The following WWOX variants were observed in gnomAD, a reference collection of about 807,000 sequenced individuals.
WWOX encodes WW domain containing oxidoreductase, also known as WW domain-containing oxidoreductase.
WWOX carries 69 observed loss-of-function variants against 46.2 expected under a neutral mutation model. That is an observed-to-expected ratio of 1.49 (90% CI 1.23 to 1.82). The LOEUF (loss-of-function observed/expected upper bound fraction) is 1.82, where lower values mean the gene tolerates loss of function less well. WWOX is among the 40% of genes most tolerant of loss of function. WWOX has a pLI of 0.00. For synonymous variants in WWOX, 359 were observed against 202.6 expected, an observed-to-expected ratio of 1.77 and a Z score of -6.56; for missense variants, 919 against 542.6, an observed-to-expected ratio of 1.69 and a Z score of -6.89.
intron 8 of WWOX, among the ~76,000 whole-genome samples, chr16:78,711,393 G>A (rs9927393): frequency 0.016 from 2,498 of 152,286 alleles, 67 homozygotes; most frequent in African/African-American, 0.056. Context: ...CACTGTATAT[G>A]CTTTGGAGGG....
chr16:78,684,620 C>T (rs2047812939), intron 8 of WWOX, among the ~76,000 whole-genome samples: 1 of 152,192 alleles, frequency 6.6e-6, no homozygotes. Context: ...CAGAACACTC[C>T]ACCGTCCCTG....
chr16:78,743,409 T>A (rs2049277025), intron 8 of WWOX, among the ~76,000 whole-genome samples: 1 of 152,168 alleles, frequency 6.6e-6, no homozygotes, highest in Non-Finnish European at 1.5e-5. Flanking sequence ...TTTTGTACTG[T>A]GTCCTGAGAT....
At chr16:78,763,754 C>T (rs545351745) in intron 8 of WWOX, among the ~76,000 whole-genome samples, 1 of 152,304 alleles carries the variant, frequency 6.6e-6, no homozygotes, top group East Asian at 1.9e-4. Flanking sequence ...TTCTTCTTTT[C>T]ACCCATCTCA....
intron 5 of WWOX, among the ~76,000 whole-genome samples, chr16:78,367,118 T>C (rs1344121518): frequency 6.6e-6 from 1 of 151,942 alleles, no homozygotes; most frequent in African/African-American, 2.4e-5. Flanking sequence ...TAGCTGGTAC[T>C]ACAGGTGCCT....
rs180875852 is a variant in WWOX, at chr16:79,049,063, C to G, written c.1057-162545C>G. ...ATACAAAAGCGACAAGGTTTCTATC[C>G]TCTGACAGTTTATACTTTAGTGCAG... On this transcript the variant is annotated intron_variant, in intron 8 of 8. Coordinates refer to ENST00000566780, the MANE Select transcript of WWOX (RefSeq NM_016373.4). Among the ~76,000 whole-genome samples, 63 of 152,296 alleles carry G rather than the reference C, an allele frequency of 4.1e-4. No homozygotes were observed. The East Asian group carries it at 5.4e-3, about 13-fold the overall frequency.
intron 8 of WWOX, among the ~76,000 whole-genome samples, chr16:78,989,161 G>A (rs1457692364): frequency 6.6e-6 from 1 of 151,960 alleles, no homozygotes; most frequent in Non-Finnish European, 1.5e-5. Flanking sequence ...AACCCTTATT[G>A]TATCTCCCCA....
chr16:78,135,514 G>C (rs963670961), intron 4 of WWOX, among the ~76,000 whole-genome samples: 11 of 152,050 alleles, frequency 7.2e-5, no homozygotes, highest in African/African-American at 2.7e-4. Flanking sequence ...TATTATAGAA[G>C]CCAGCTTTAC....
At chr16:79,047,388 A>C (rs896043546) in intron 8 of WWOX, among the ~76,000 whole-genome samples, 6 of 152,246 alleles carry the variant, frequency 3.9e-5, no homozygotes. Flanking sequence ...GAAATAGACC[A>C]GATGAAGATT....
chr16:78,675,101 A>G (rs1190891007), intron 8 of WWOX, among the ~76,000 whole-genome samples: 5 of 152,206 alleles, frequency 3.3e-5, no homozygotes, highest in East Asian at 3.9e-4. Context: ...GCTGTGCTGA[A>G]TGTTTACATA....
intron 8 of WWOX, among the ~76,000 whole-genome samples, chr16:79,200,376 G>T (rs1004269682): frequency 1.3e-5 from 2 of 152,116 alleles, no homozygotes; most frequent in African/African-American, 4.8e-5. Context: ...TGCTACAAAG[G>T]GTATAGAGTA....
intron 8 of WWOX, among the ~76,000 whole-genome samples, chr16:79,183,303 C>G (rs886966623): frequency 6.6e-6 from 1 of 152,196 alleles, no homozygotes; most frequent in Non-Finnish European, 1.5e-5. Context: ...CACCTTCAAC[C>G]TTCTAGTCTT....
intron 5 of WWOX, among the ~76,000 whole-genome samples, chr16:78,295,739 A>T (rs1017162678): frequency 6.6e-6 from 1 of 150,458 alleles, no homozygotes; most frequent in Non-Finnish European, 1.5e-5. Flanking sequence ...CAAACAAACA[A>T]ACAAACAAAA....
intron 8 of WWOX, among the ~76,000 whole-genome samples, chr16:79,055,816 A>G (rs1430675579): frequency 6.6e-6 from 1 of 152,166 alleles, no homozygotes; most frequent in African/African-American, 2.4e-5. Context: ...CTAAAACTCA[A>G]AGTGAGTCAG....
In WWOX at chr16:78,500,582, A is replaced by G. The variant is rs9926116; in HGVS notation, c.1056+67830A>G. On this transcript the variant is annotated intron_variant, in intron 8 of 8. Coordinates refer to ENST00000566780, the MANE Select transcript of WWOX (RefSeq NM_016373.4). ...AACACCTGGCTGAGGCTCCAACAGCATTTTCCTATGACTGAGGGTAGGGTA... is the reference window on the plus strand; with the variant it reads ...AACACCTGGCTGAGGCTCCAACAGCGTTTTCCTATGACTGAGGGTAGGGTA... 3.2e-3 allele frequency among the ~76,000 whole-genome samples: 483 copies of G among 152,116 alleles called. 3 individuals are homozygous for G. The highest frequency in any genetic ancestry group is 0.01 in the Middle Eastern group (3 of 294).
intron 8 of WWOX, among the ~76,000 whole-genome samples, chr16:78,844,214 T>C (rs866088060): frequency 6.6e-6 from 1 of 152,026 alleles, no homozygotes; most frequent in African/African-American, 2.4e-5. Context: ...GAAACCAGAG[T>C]TTAGTTGTGC....
chr16:78,904,106 C>G (rs1167168721), intron 8 of WWOX, among the ~76,000 whole-genome samples: 1 of 152,138 alleles, frequency 6.6e-6, no homozygotes, highest in African/African-American at 2.4e-5. Flanking sequence ...CTGAAGAAAA[C>G]TGCAGAGCTT....
Position 78,237,152 on chromosome 16 carries a change from A to C in WWOX, c.516+72863A>C, listed in dbSNP as rs371288140. On this transcript the variant is annotated intron_variant, in intron 5 of 8. Coordinates refer to ENST00000566780, the MANE Select transcript of WWOX (RefSeq NM_016373.4). ...ATGGTAAATGTTCAGAGGCTGCAGGAATGATTCAAAGTCTGACTGATTTAT... is the reference window on the plus strand; with the variant it reads ...ATGGTAAATGTTCAGAGGCTGCAGGCATGATTCAAAGTCTGACTGATTTAT... 2.4e-3 allele frequency among the ~76,000 whole-genome samples: 368 copies of C among 151,784 alleles called. 1 individual carries two copies. The highest frequency in any genetic ancestry group is 8.6e-3 in the African/African-American group (357 of 41,394).
chr16:78,235,092 G>A (rs2037392204), intron 5 of WWOX, among the ~76,000 whole-genome samples: 1 of 152,044 alleles, frequency 6.6e-6, no homozygotes, highest in East Asian at 1.9e-4. Flanking sequence ...AATGATGTTC[G>A]TGATGTTAAT....
At chr16:79,055,536 C>T (rs991190424) in intron 8 of WWOX, among the ~76,000 whole-genome samples, 2 of 152,080 alleles carry the variant, frequency 1.3e-5, no homozygotes, top group African/African-American at 4.8e-5. Context: ...CCATTTGAGG[C>T]CCTAGATACT....
Sources: gnomAD v4.1 joint callset for allele counts (sites outside exome capture counted in the v4.1 genomes callset) on GRCh38, gnomAD v4.1.1 for gene constraint, MANE v1.5 for transcripts, NCBI Gene and HGNC (gene_info 2026-07-23, HGNC 2026-07-21) for gene names.